Variants in SPATA9 observed in about 807,000 individuals in gnomAD.
The protein encoded by SPATA9 is spermatogenesis-associated protein 9.
In SPATA9, 27 loss-of-function variants were observed where a neutral mutation model predicts 25.5. The observed-to-expected ratio is 1.06, with a 90% CI of 0.78 to 1.46. The LOEUF (loss-of-function observed/expected upper bound fraction) is 1.46, where lower values mean the gene tolerates loss of function less well. SPATA9 is among the 40% of genes most tolerant of loss of function. The pLI, the probability that SPATA9 is intolerant of heterozygous loss-of-function variation, is 0.00. For synonymous variants in SPATA9, 102 were observed against 105.7 expected (o/e 0.97, Z 0.21); for missense variants, 282 against 297.5 (o/e 0.95, Z 0.38).
chr5:95,692,434 A>G (rs2112707178), intron 1 of SPATA9, among the ~76,000 whole-genome samples: 2 of 152,174 alleles, frequency 1.3e-5, no homozygotes, highest in East Asian at 3.9e-4. Context: ...TTACTAAGAA[A>G]TACTCATGCA....
the SPATA9 span, among the ~76,000 whole-genome samples, chr5:95,721,161 G>T: frequency 2.6e-5 from 4 of 152,184 alleles, no homozygotes; most frequent in African/African-American, 7.2e-5. Flanking sequence ...CACTATTTAC[G>T]TTGCAGCCTG....
At chr5:95,668,222 T>C (rs1226411322) in intron 3 of SPATA9, among the ~76,000 whole-genome samples, 1 of 152,230 alleles carries the variant, frequency 6.6e-6, no homozygotes, top group Non-Finnish European at 1.5e-5. Context: ...TAAAAGTAAT[T>C]AAAGCTGATT....
At chr5:95,665,285 G>T (rs151065712) in intron 3 of SPATA9, among the ~76,000 whole-genome samples, 11 of 152,108 alleles carry the variant, frequency 7.2e-5, no homozygotes, top group Non-Finnish European at 1.6e-4. Flanking sequence ...ACCCTACTGC[G>T]CAGTAGAACA....
At chr5:95,684,014 T>C (rs1753653713), upstream of SPATA9, among the ~76,000 whole-genome samples, 2 of 152,078 alleles carry the variant, frequency 1.3e-5, no homozygotes, top group Admixed American at 1.3e-4. Flanking sequence ...CATCCCAGGA[T>C]TCCTCTAGCA....
chr5:95,683,119 T>A, upstream of SPATA9: 1 of 714,348 alleles, frequency 1.4e-6, no homozygotes, highest in Non-Finnish European at 1.9e-6. Flanking sequence ...GGGGATTGAA[T>A]AATAAAGTAC....
the SPATA9 span, among the ~76,000 whole-genome samples, chr5:95,706,223 T>C: frequency 2.8e-4 from 42 of 151,918 alleles, no homozygotes; most frequent in African/African-American, 9.4e-4. Flanking sequence ...TGGTTTGGAT[T>C]TGTGTCCCCA....
At chr5:95,731,093 G>A in the SPATA9 span, 1 of 1,103,484 alleles carries the variant, frequency 9.1e-7, no homozygotes, top group Non-Finnish European at 1.1e-6. Context: ...ATTGGCGGCT[G>A]GGAGCTCTCG....
intron 3 of SPATA9, among the ~76,000 whole-genome samples, chr5:95,665,708 C>T (rs1042584140): frequency 4.6e-5 from 7 of 152,244 alleles, no homozygotes; most frequent in Non-Finnish European, 1.0e-4. Flanking sequence ...GACACAGTGG[C>T]TCACACCTGT....
At chr5:95,656,376 A>C (rs1240383614), downstream of SPATA9, 2 of 1,344,230 alleles carry the variant, frequency 1.5e-6, no homozygotes, top group Non-Finnish European at 1.0e-6. Flanking sequence ...ACTCTGCTTC[A>C]GTTTTAAAGG....
At chr5:95,666,921 C>A (rs1751865068) in intron 3 of SPATA9, among the ~76,000 whole-genome samples, 1 of 152,092 alleles carries the variant, frequency 6.6e-6, no homozygotes, top group African/African-American at 2.4e-5. Flanking sequence ...CAGAAATGCA[C>A]CAAAAGTTTA....
chr5:95,692,156 A>T (rs895006384), intron 1 of SPATA9, among the ~76,000 whole-genome samples: 5 of 152,128 alleles, frequency 3.3e-5, no homozygotes, highest in African/African-American at 1.2e-4. Context: ...GATTGGTATT[A>T]AATTTTTGTG....
At chr5:95,654,219 T>C (rs765810313), downstream of SPATA9, 94 of 1,611,182 alleles carry the variant, frequency 5.8e-5, no homozygotes, top group Non-Finnish European at 8.0e-5. Flanking sequence ...TATCATGCTA[T>C]GGATATTCGC....
Position 95,669,490 on chromosome 5 carries a change from C to T in SPATA9, c.379-5442G>A, listed in dbSNP as rs189853394. Among the ~76,000 whole-genome samples the T allele has an allele frequency of 3.9e-5, 6 of 152,300 alleles. No individual in the cohort carries two copies. In the East Asian group the frequency reaches 9.7e-4, roughly 25 times the overall value. ...AAAAGAACACGAGTTCACTGGGATC[C>T]ACCTTACAGCCCAGGCATTGTAAAC... is the stretch of plus-strand genomic sequence containing the variant. On this transcript the variant is annotated intron_variant, in intron 3 of 4. Transcript: ENST00000274432.
Position 95,671,463 on chromosome 5 carries a change from T to G in SPATA9, c.378+3949A>C, listed in dbSNP as rs141040461. Among the ~76,000 whole-genome samples the G allele has an allele frequency of 0.011, 1,703 of 152,256 alleles. 97 individuals carry two copies. The East Asian group carries it at 0.17, about 15-fold the overall frequency. On this transcript the variant is annotated intron_variant, in intron 3 of 4. Coordinates refer to ENST00000274432, the MANE Select transcript of SPATA9 (RefSeq NM_031952.4). ...TTCGCTCTTGTTGCCCAGACTGGAG[T>G]GCAGTGGCACGATCTTGGCTCACTG...
downstream of SPATA9, among the ~76,000 whole-genome samples, chr5:95,655,104 C>G (rs1000510938): frequency 1.3e-5 from 2 of 152,092 alleles, no homozygotes; most frequent in African/African-American, 4.8e-5. Context: ...ATTCCACTCT[C>G]TCTACACTTG....
At chr5:95,719,483 C>T in the SPATA9 span, among the ~76,000 whole-genome samples, 1 of 152,318 alleles carries the variant, frequency 6.6e-6, no homozygotes, top group Admixed American at 6.5e-5. Context: ...TTAGGTTAAA[C>T]TGGCTCTAAA....
At chr5:95,677,219 T>C (rs913816831) in intron 2 of SPATA9, among the ~76,000 whole-genome samples, 1 of 152,244 alleles carries the variant, frequency 6.6e-6, no homozygotes, top group Non-Finnish European at 1.5e-5. Context: ...TTGTTCATTG[T>C]TTTTTACTTG....
chr5:95,655,934 AAAAG>A, downstream of SPATA9: 1 of 973,468 alleles, frequency 1.0e-6, no homozygotes, highest in East Asian at 2.5e-5. Context: ...TAGGAGGAAA[AAAAG>A]AAAAGCTAAC....
At chr5:95,698,162 G>A (rs1489406705) in intron 1 of SPATA9, among the ~76,000 whole-genome samples, 1 of 152,166 alleles carries the variant, frequency 6.6e-6, no homozygotes, top group Non-Finnish European at 1.5e-5. Flanking sequence ...ACTGTGGGAA[G>A]GAATAAATAA....
Sources: allele counts gnomAD v4.1 joint callset (sites outside exome capture counted in the v4.1 genomes callset), GRCh38; gene constraint gnomAD v4.1.1; transcripts MANE v1.5; gene names NCBI Gene and HGNC (gene_info 2026-07-23, HGNC 2026-07-21).